The following SYNE1 variants were observed in gnomAD, a reference collection of about 807,000 sequenced individuals.
The protein encoded by SYNE1 is spectrin repeat containing nuclear envelope protein 1.
SYNE1 carries 616 observed loss-of-function variants against 1,111.0 expected under a neutral mutation model. That is an observed-to-expected ratio of 0.55 (90% CI 0.52 to 0.59). SYNE1 has a LOEUF of 0.59. Ranked by LOEUF, SYNE1 falls within the 20% of genes least tolerant of loss-of-function variation. SYNE1 has a pLI of 0.00. For synonymous variants in SYNE1, 3,855 were observed against 3,825.8 expected (o/e 1.01, Z -0.28); for missense variants, 10,006 against 10,417.0 (o/e 0.96, Z 1.72).
intron 59 of SYNE1, among the ~76,000 whole-genome samples, chr6:152,371,229 A>G (rs748970600): frequency 6.6e-6 from 1 of 151,952 alleles, no homozygotes; most frequent in Non-Finnish European, 1.5e-5. Context: ...GAGGGACCCA[A>G]TGGGAGGTAA....
intron 87 of SYNE1, among the ~76,000 whole-genome samples, chr6:152,313,418 G>C (rs1404519190): frequency 6.6e-6 from 1 of 150,788 alleles, no homozygotes; most frequent in South Asian, 2.1e-4. Context: ...AGTCACTCTG[G>C]TTCTCACATC....
At position 152,484,979 on chromosome 6, in the gene SYNE1, G is replaced by A. The variant is rs776136707; in HGVS notation, c.1048-7C>T. ...CTCTGAAGTGCTTAAATGACTAAAA[G>A]AGGAAAAACAGCAACAGTATGGCAA... On this transcript the variant is annotated splice_region_variant and splice_polypyrimidine_tract_variant and intron_variant, in intron 12 of 145. Transcript: ENST00000367255. 6.2e-7 allele frequency: 1 copy of A among 1,609,950 alleles called. No homozygotes were observed. The highest frequency in any genetic ancestry group is 1.7e-5 in the Admixed American group (1 of 59,832).
At chr6:152,149,343 G>A (rs1486736684) in intron 136 of SYNE1, 134 bp downstream of exon 136, 4 of 1,045,396 alleles carry the variant, frequency 3.8e-6, no homozygotes, top group Non-Finnish European at 5.8e-6. Context: ...CGACAATGTA[G>A]GACAAAGCTA....
intron 145 of SYNE1, chr6:152,126,820 T>C (rs1020988739): frequency 1.3e-5 from 2 of 152,176 alleles, no homozygotes; most frequent in Non-Finnish European, 2.9e-5. Context: ...GCCATGCACA[T>C]AGGGTATGAC....
chr6:152,497,830 T>C (rs2099007860), intron 11 of SYNE1, among the ~76,000 whole-genome samples: 1 of 152,190 alleles, frequency 6.6e-6, no homozygotes, highest in African/African-American at 2.4e-5. Flanking sequence ...CTGATAACTT[T>C]CACACACATT....
At chr6:152,536,569 A>C (rs2099243980) in intron 4 of SYNE1, among the ~76,000 whole-genome samples, 1 of 150,316 alleles carries the variant, frequency 6.7e-6, no homozygotes, top group Admixed American at 6.7e-5. Context: ...GGCCACTCCC[A>C]ATGGCGGCCA....
chr6:152,502,434 G>A (rs2154327231), intron 10 of SYNE1, among the ~76,000 whole-genome samples, 199 bp downstream of exon 10: 1 of 152,282 alleles, frequency 6.6e-6, no homozygotes, highest in East Asian at 1.9e-4. Context: ...TATTAGCAAT[G>A]CTTTCTCTAA....
At chr6:152,397,651 A>G (rs984340213) in intron 49 of SYNE1, among the ~76,000 whole-genome samples, 2 of 152,152 alleles carry the variant, frequency 1.3e-5, no homozygotes, top group African/African-American at 2.4e-5. Flanking sequence ...AATTTTCAAC[A>G]TCATTTTTAT....
In SYNE1 at chr6:152,459,030, A is replaced by C. The variant is rs1213511154; in HGVS notation, c.2395-100T>G. Reference sequence around the variant, plus strand: ...GAGGAACATTTTCTTTAGTGACATGATCATTTGGTGCTTACAAATATCCAA... The same window carrying C: ...GAGGAACATTTTCTTTAGTGACATGCTCATTTGGTGCTTACAAATATCCAA... On this transcript the variant is annotated intron_variant, in intron 21 of 145. Coordinates refer to ENST00000367255, the MANE Select transcript of SYNE1 (RefSeq NM_182961.4). The C allele has an allele frequency of 1.1e-5, 11 of 1,003,972 alleles. No homozygotes were observed. In the Admixed American group the frequency reaches 1.5e-4, roughly 14 times the overall value. The allele number at this position is 1,003,972 out of a possible 1,614,324, so 62.2% of individuals were successfully genotyped here. A position where few individuals can be genotyped will look rare whatever the true frequency, so the allele number is the denominator to read the frequency against.
chr6:152,362,540 T>C (rs138108008), intron 63 of SYNE1, among the ~76,000 whole-genome samples: 186 of 152,132 alleles, frequency 1.2e-3, no homozygotes, highest in African/African-American at 4.4e-3. Context: ...CAGGCCAATA[T>C]GCAGAAACAT....
intron 129 of SYNE1, among the ~76,000 whole-genome samples, chr6:152,178,250 A>G (rs2153156151): frequency 6.6e-6 from 1 of 152,266 alleles, no homozygotes; most frequent in Middle Eastern, 3.4e-3. Context: ...AGTAAAAAAA[A>G]AGCAATGAGA....
chr6:152,560,352 C>T (rs902240897), intron 3 of SYNE1, among the ~76,000 whole-genome samples: 1 of 151,572 alleles, frequency 6.6e-6, no homozygotes, highest in African/African-American at 2.4e-5. Context: ...TGTGACAGAG[C>T]GAGACTCCAT....
At chr6:152,417,828 T>C (rs1026332105) in intron 40 of SYNE1, among the ~76,000 whole-genome samples, 31 of 152,196 alleles carry the variant, frequency 2.0e-4, no homozygotes, top group African/African-American at 7.0e-4. Flanking sequence ...TACATATAAA[T>C]CTTTAAAAAT....
chr6:152,595,303 T>C (rs967980884), intron 3 of SYNE1, among the ~76,000 whole-genome samples: 2 of 152,248 alleles, frequency 1.3e-5, no homozygotes, highest in East Asian at 1.9e-4. Context: ...ACATCTCCAC[T>C]GGATGTGAAC....
intron 7 of SYNE1, 128 bp from the exon 8 acceptor site, chr6:152,510,499 T>C: frequency 9.5e-7 from 1 of 1,055,416 alleles, no homozygotes; most frequent in Non-Finnish European, 1.4e-6. Flanking sequence ...AAATGCAAGC[T>C]CTTAAAGGGC....
At chr6:152,573,686 C>A (rs1382015054) in intron 3 of SYNE1, among the ~76,000 whole-genome samples, 1 of 152,048 alleles carries the variant, frequency 6.6e-6, no homozygotes, top group Non-Finnish European at 1.5e-5. Flanking sequence ...AACTTTTCTG[C>A]CTACATTTTC....
chr6:152,176,402 A>C lies in SYNE1; in HGVS notation c.23619T>G (p.Ile7873Met). 2 of 1,614,104 alleles carry C rather than the reference A, an allele frequency of 1.2e-6. No homozygotes were observed. Among genetic ancestry groups the C allele is most frequent in the Non-Finnish European group, 8.5e-7 (1 of 1,179,998 alleles). The change falls in exon 130 of 146, where the codon ATT becomes ATG. Residue 7873 changes from isoleucine to methionine, a missense_variant. Around this residue, in one of 7 missense-constraint regions of SYNE1, gnomAD observed 2,182 missense variants for 2,287.8 expected, o/e 0.95. Transcript: ENST00000367255. ...NDRWQHLLDL[I>M]AARVKKLKET... ...ACTCAGGTCCTCTTTACCTGGCTGC[A>C]ATGAGGTCCAGGAGATGCTGCCACC... is the stretch of plus-strand genomic sequence containing the variant.
rs373754084 is a variant in SYNE1, at chr6:152,152,120, C to G, written c.24151G>C (p.Glu8051Gln). 6.2e-7 allele frequency: 1 copy of G among 1,614,110 alleles called. No individual in the cohort carries two copies. The highest frequency in any genetic ancestry group is 2.2e-5 in the East Asian group (1 of 44,882). Reference protein sequence around the residue: ...KFEAFQRQVHECLTQLELINK... With the variant: ...KFEAFQRQVHQCLTQLELINK... ...ATCAGTTCCAGCTGCGTCAGGCACT[C>G]GTGGACCTGTCGCTGGAAAGCCTAA... is the stretch of plus-strand genomic sequence containing the variant. The change falls in exon 134 of 146, where the codon GAG (glutamate) becomes CAG (glutamine). Residue 8051 changes from glutamate (E) to glutamine (Q), a missense_variant. Around this residue, in one of 7 missense-constraint regions of SYNE1, gnomAD observed 2,182 missense variants for 2,287.8 expected, o/e 0.95. Transcript: ENST00000367255.
chr6:152,432,628 A>C (rs1230697344), intron 34 of SYNE1, among the ~76,000 whole-genome samples: 1 of 152,134 alleles, frequency 6.6e-6, no homozygotes, highest in African/African-American at 2.4e-5. Flanking sequence ...CTCTGGAATA[A>C]GGGTGGAAAT....
Sources: allele counts gnomAD v4.1 joint callset (sites outside exome capture counted in the v4.1 genomes callset), GRCh38; gene constraint gnomAD v4.1.1; regional missense constraint gnomAD v4.1.1; transcripts MANE v1.5; gene names NCBI Gene and HGNC (gene_info 2026-07-23, HGNC 2026-07-21).